Variants in ROR1 observed in about 807,000 individuals in gnomAD.
ROR1 encodes the protein inactive tyrosine-protein kinase transmembrane receptor ROR1.
In ROR1, 19 loss-of-function variants were observed where a neutral mutation model predicts 78.8. The ratio of observed to expected loss-of-function variants is 0.24; its 90% CI spans 0.17 to 0.35. ROR1 has a LOEUF of 0.35. ROR1 is among the 10% of genes least tolerant of loss of function. The pLI, the probability that ROR1 is intolerant of heterozygous loss-of-function variation, is 1.00. For missense variants in ROR1, 917 were observed against 1,177.8 expected, an observed-to-expected ratio of 0.78 and a Z score of 3.24; for synonymous variants, 386 against 433.6, an observed-to-expected ratio of 0.89 and a Z score of 1.36.
At chr1:64,146,484 AAAAG>A (rs1355384489) in intron 7 of ROR1, among the ~76,000 whole-genome samples, 1 of 152,188 alleles carries the variant, frequency 6.6e-6, no homozygotes, top group East Asian at 1.9e-4. Flanking sequence ...TCAAGAAGAA[AAAAG>A]AAAGAAAGAA....
chr1:64,056,691 C>A (rs1358651805), intron 4 of ROR1, among the ~76,000 whole-genome samples: 111 of 144,666 alleles, frequency 7.7e-4, no homozygotes, highest in East Asian at 2.5e-3. Flanking sequence ...AAAAAAAAAA[C>A]AAACATTATT....
chr1:63,808,008 A>G (rs1644839536), intron 1 of ROR1, among the ~76,000 whole-genome samples: 1 of 152,118 alleles, frequency 6.6e-6, no homozygotes, highest in South Asian at 2.1e-4. Context: ...TAGTAATAGT[A>G]TTAATAGTAG....
intron 1 of ROR1, among the ~76,000 whole-genome samples, chr1:63,893,895 A>G (rs1041414352): frequency 2.0e-5 from 3 of 152,166 alleles, no homozygotes; most frequent in African/African-American, 7.2e-5. Context: ...CATGCATAGA[A>G]GATTCATTTT....
intron 1 of ROR1, 35 bp from the exon 2 acceptor site, chr1:64,009,270 C>T (rs1344132674): frequency 2.7e-6 from 4 of 1,490,226 alleles, no homozygotes; most frequent in Non-Finnish European, 3.7e-6. Context: ...TAATATTGCC[C>T]TTGTCTTTCT....
intron 4 of ROR1, among the ~76,000 whole-genome samples, 169 bp downstream of exon 4, chr1:64,050,885 G>A (rs1646823358): frequency 1.3e-5 from 2 of 152,002 alleles, no homozygotes; most frequent in African/African-American, 4.8e-5. Flanking sequence ...AAGATTCACA[G>A]GAGACCACCA....
intron 4 of ROR1, among the ~76,000 whole-genome samples, chr1:64,057,968 C>T (rs1569647413): frequency 6.6e-6 from 1 of 152,122 alleles, no homozygotes; most frequent in East Asian, 1.9e-4. Flanking sequence ...GTCATCTAAT[C>T]CATGAACATG....
intron 1 of ROR1, among the ~76,000 whole-genome samples, chr1:63,793,326 G>C (rs963069625): frequency 6.6e-6 from 1 of 152,176 alleles, no homozygotes; most frequent in Non-Finnish European, 1.5e-5. Flanking sequence ...TCAAATGATC[G>C]ATTGGCAGTA....
chr1:63,932,944 C>G (rs925006324), intron 1 of ROR1, among the ~76,000 whole-genome samples: 1 of 152,120 alleles, frequency 6.6e-6, no homozygotes, highest in Non-Finnish European at 1.5e-5. Context: ...GCCTTCTTTG[C>G]CCACCTGTCT....
intron 1 of ROR1, among the ~76,000 whole-genome samples, chr1:63,846,052 C>T (rs1425626826): frequency 6.6e-6 from 1 of 151,918 alleles, no homozygotes; most frequent in Non-Finnish European, 1.5e-5. Flanking sequence ...TTGAAGGGCA[C>T]CGCAACCCAC....
chr1:63,889,070 T>C (rs952865210), intron 1 of ROR1, among the ~76,000 whole-genome samples: 2 of 152,156 alleles, frequency 1.3e-5, no homozygotes, highest in African/African-American at 2.4e-5. Context: ...CCAGGCTCAC[T>C]CAGTGACTTT....
chr1:63,972,598 T>C (rs1646127740), intron 1 of ROR1, among the ~76,000 whole-genome samples: 1 of 152,230 alleles, frequency 6.6e-6, no homozygotes, highest in Non-Finnish European at 1.5e-5. Flanking sequence ...AGAAGGGATG[T>C]GGACATTTTT....
At chr1:64,100,460 C>T (rs1647483500) in intron 4 of ROR1, among the ~76,000 whole-genome samples, 1 of 152,136 alleles carries the variant, frequency 6.6e-6, no homozygotes, top group African/African-American at 2.4e-5. Flanking sequence ...TGCACTCCAG[C>T]CTAGGTGACA....
intron 5 of ROR1, among the ~76,000 whole-genome samples, chr1:64,139,688 C>G (rs1649238592): frequency 6.6e-6 from 1 of 152,216 alleles, no homozygotes; most frequent in African/African-American, 2.4e-5. Flanking sequence ...CAGCAAGACA[C>G]AGAACTGGAT....
intron 1 of ROR1, among the ~76,000 whole-genome samples, chr1:63,948,452 G>T (rs1394247226): frequency 1.3e-5 from 2 of 151,960 alleles, no homozygotes; most frequent in Non-Finnish European, 2.9e-5. Flanking sequence ...AATATTATGG[G>T]AAATCTGATA....
chr1:64,162,037 A>C (rs1367492020), intron 8 of ROR1, among the ~76,000 whole-genome samples: 1 of 152,212 alleles, frequency 6.6e-6, no homozygotes, highest in Non-Finnish European at 1.5e-5. Flanking sequence ...AAAGGAAAGG[A>C]CACACATAAG....
intron 1 of ROR1, among the ~76,000 whole-genome samples, chr1:63,807,529 A>T (rs1032585029): frequency 1.3e-5 from 2 of 152,198 alleles, no homozygotes; most frequent in Admixed American, 6.5e-5. Flanking sequence ...TGAGCCAAGT[A>T]ATGTCATTCT....
intron 1 of ROR1, among the ~76,000 whole-genome samples, chr1:63,784,098 G>A (rs1489954122): frequency 1.3e-5 from 2 of 152,078 alleles, no homozygotes; most frequent in African/African-American, 2.4e-5. Context: ...AAATAGCTGA[G>A]TCAAAATAAT....
chr1:63,915,539 G>C (rs1645602372), intron 1 of ROR1, among the ~76,000 whole-genome samples: 1 of 151,976 alleles, frequency 6.6e-6, no homozygotes, highest in Admixed American at 6.6e-5. Context: ...TGGAGAGAAG[G>C]GTATGAGACT....
intron 1 of ROR1, among the ~76,000 whole-genome samples, chr1:63,963,833 C>T (rs1351847019): frequency 6.6e-6 from 1 of 152,124 alleles, no homozygotes; most frequent in East Asian, 1.9e-4. Context: ...CTCCATCCTT[C>T]CTGCTGTCTA....
Sources: gnomAD v4.1 joint callset for allele counts (sites outside exome capture counted in the v4.1 genomes callset) on GRCh38, gnomAD v4.1.1 for gene constraint, MANE v1.5 for transcripts, NCBI Gene and HGNC (gene_info 2026-07-23, HGNC 2026-07-21) for gene names.